Variants in MTUS2 observed in about 807,000 individuals in gnomAD.
MTUS2 encodes microtubule associated scaffold protein 2.
In MTUS2, 40 loss-of-function variants were observed where a neutral mutation model predicts 114.1. That is an observed-to-expected ratio of 0.35 (90% confidence interval 0.27 to 0.46). The LOEUF is 0.46. Ranked by LOEUF, MTUS2 falls within the 20% of genes least tolerant of loss-of-function variation. MTUS2 has a pLI of 1.00. For synonymous variants in MTUS2, 688 were observed against 672.0 expected, an observed-to-expected ratio of 1.02 and a Z score of -0.37; for missense variants, 1,679 against 1,705.4, an observed-to-expected ratio of 0.98 and a Z score of 0.27.
chr13:28,967,142 TC>T (rs1883632822), intron 2 of MTUS2, among the ~76,000 whole-genome samples: 1 of 152,196 alleles, frequency 6.6e-6, no homozygotes, highest in African/African-American at 2.4e-5. Flanking sequence ...CCACCTTAAT[TC>T]CAGCAGGGGG....
intron 4 of MTUS2, among the ~76,000 whole-genome samples, chr13:29,055,231 T>C (rs1888079397): frequency 6.6e-6 from 1 of 152,138 alleles, no homozygotes; most frequent in South Asian, 2.1e-4. Context: ...CATAAACTCA[T>C]TTGGGATTTT....
intron 2 of MTUS2, among the ~76,000 whole-genome samples, chr13:28,963,854 A>C (rs886834626): frequency 1.3e-5 from 2 of 152,006 alleles, no homozygotes. Flanking sequence ...GCACAATGGC[A>C]TTCACCCTCC....
intron 5 of MTUS2, among the ~76,000 whole-genome samples, chr13:29,182,356 G>T (rs1894042896): frequency 6.6e-6 from 1 of 152,180 alleles, no homozygotes; most frequent in South Asian, 2.1e-4. Flanking sequence ...GCTTGCAAGG[G>T]ACTGTCTGTA....
intron 2 of MTUS2, among the ~76,000 whole-genome samples, chr13:28,995,402 T>G: frequency 6.6e-6 from 1 of 152,208 alleles, no homozygotes; most frequent in Non-Finnish European, 1.5e-5. Flanking sequence ...TGGTTCCATA[T>G]GAACTTTAAA....
intron 5 of MTUS2, among the ~76,000 whole-genome samples, chr13:29,240,659 T>C (rs1253834723): frequency 2.0e-5 from 3 of 152,232 alleles, no homozygotes; most frequent in Non-Finnish European, 4.4e-5. Flanking sequence ...CAGTGTGTTA[T>C]CATCTGAGGG....
At chr13:28,825,115 C>A (rs767280306) in intron 1 of MTUS2, among the ~76,000 whole-genome samples, 4 of 152,166 alleles carry the variant, frequency 2.6e-5, no homozygotes, top group Non-Finnish European at 5.9e-5. Flanking sequence ...ACTCCAGCCA[C>A]CTGAGGCTGC....
chr13:29,195,091 T>G (rs1407306731), intron 5 of MTUS2, among the ~76,000 whole-genome samples: 7 of 93,826 alleles, frequency 7.5e-5, no homozygotes, highest in African/African-American at 2.5e-4. Flanking sequence ...TCGGGACTGT[T>G]GTGGGGTGGG....
chr13:28,821,260 G>A (rs912116794), intron 1 of MTUS2, among the ~76,000 whole-genome samples: 4 of 152,002 alleles, frequency 2.6e-5, no homozygotes, highest in African/African-American at 9.7e-5. Context: ...CTTAGCTTGA[G>A]GTACCCTTTT....
chr13:28,912,828 G>A (rs1477342089), intron 2 of MTUS2, among the ~76,000 whole-genome samples: 1 of 151,966 alleles, frequency 6.6e-6, no homozygotes, highest in African/African-American at 2.4e-5. Context: ...TTTGCCTATT[G>A]TTGGTTTATT....
At chr13:29,208,882 C>G (rs1895303725) in intron 5 of MTUS2, among the ~76,000 whole-genome samples, 1 of 151,978 alleles carries the variant, frequency 6.6e-6, no homozygotes. Flanking sequence ...GTTCCATGTG[C>G]TGATGAATGT....
At chr13:29,060,683 T>C (rs904705685) in intron 4 of MTUS2, among the ~76,000 whole-genome samples, 1 of 151,902 alleles carries the variant, frequency 6.6e-6, no homozygotes, top group African/African-American at 2.4e-5. Context: ...TTTTAGACTA[T>C]TTACATTTAA....
intron 5 of MTUS2, among the ~76,000 whole-genome samples, chr13:29,190,889 C>G (rs561650304): frequency 1.9e-4 from 29 of 152,242 alleles, no homozygotes; most frequent in African/African-American, 6.7e-4. Context: ...TGAACTTGGG[C>G]AACTGTGTTT....
At chr13:28,863,126 G>A (rs1171750774) in intron 2 of MTUS2, among the ~76,000 whole-genome samples, 3 of 152,174 alleles carry the variant, frequency 2.0e-5, no homozygotes, top group African/African-American at 4.8e-5. Context: ...TGGTGATTAA[G>A]CTTCATCTTT....
intron 5 of MTUS2, among the ~76,000 whole-genome samples, chr13:29,120,921 G>T (rs1891282184): frequency 1.3e-5 from 2 of 152,182 alleles, no homozygotes; most frequent in Non-Finnish European, 2.9e-5. Flanking sequence ...GTTCAGAAAA[G>T]ATTTTGATAA....
chr13:29,450,858 A>G (rs1593458156), intron 9 of MTUS2, among the ~76,000 whole-genome samples: 2 of 152,258 alleles, frequency 1.3e-5, no homozygotes, highest in South Asian at 2.1e-4. Context: ...TGGCCATTAC[A>G]TAATGAAAAA....
chr13:28,843,801 G>A (rs952683500), intron 2 of MTUS2, among the ~76,000 whole-genome samples: 2 of 152,186 alleles, frequency 1.3e-5, no homozygotes, highest in Admixed American at 6.5e-5. Flanking sequence ...GGCACACACG[G>A]GGGATGGGTC....
chr13:29,402,888 C>T (rs1874452418), intron 8 of MTUS2, among the ~76,000 whole-genome samples: 2 of 152,268 alleles, frequency 1.3e-5, no homozygotes, highest in South Asian at 4.1e-4. Context: ...AGGCACATGC[C>T]ACCACGCCCA....
chr13:28,940,587 A>G (rs1418822756), intron 2 of MTUS2, among the ~76,000 whole-genome samples: 3 of 152,200 alleles, frequency 2.0e-5, no homozygotes, highest in African/African-American at 4.8e-5. Context: ...GAATTGGACT[A>G]GAAATAGAAC....
intron 2 of MTUS2, among the ~76,000 whole-genome samples, chr13:28,964,205 C>A (rs1883468581): frequency 6.6e-6 from 1 of 152,192 alleles, no homozygotes; most frequent in African/African-American, 2.4e-5. Flanking sequence ...CCTACCTGGT[C>A]ATCTGCAGTC....
Sources: allele counts gnomAD v4.1 joint callset (sites outside exome capture counted in the v4.1 genomes callset), GRCh38; gene constraint gnomAD v4.1.1; transcripts MANE v1.5; gene names NCBI Gene and HGNC (gene_info 2026-07-23, HGNC 2026-07-21).